ASTN2: variants seen among roughly 807,000 people sequenced by gnomAD.
The protein encoded by ASTN2 is astrotactin-2.
ASTN2 carries 54 observed loss-of-function variants against 139.8 expected under a neutral mutation model. That is an observed-to-expected ratio of 0.39 (90% CI 0.31 to 0.48). The LOEUF (loss-of-function observed/expected upper bound fraction) is 0.48, where lower values mean the gene tolerates loss of function less well. ASTN2 is among the 20% of genes least tolerant of loss of function. The pLI is 0.95. For synonymous variants in ASTN2, 756 were observed against 719.5 expected (o/e 1.05, Z -0.81); for missense variants, 1,565 against 1,725.1 (o/e 0.91, Z 1.64).
intron 11 of ASTN2, among the ~76,000 whole-genome samples, chr9:116,839,881 ATTTTTT>A (rs71502081): frequency 5.5e-5 from 7 of 127,972 alleles, no homozygotes; most frequent in African/African-American, 1.5e-4. Context: ...TATTATTATT[ATTTTTT>A]TTTTTTTAAT....
chr9:116,952,779 C>T (rs1455229075), intron 10 of ASTN2, among the ~76,000 whole-genome samples: 9 of 152,206 alleles, frequency 5.9e-5, no homozygotes, highest in South Asian at 2.1e-4. Context: ...GAGCAATCGC[C>T]GTTGGAGCTG....
chr9:116,561,755 G>C (rs546083073), intron 19 of ASTN2, among the ~76,000 whole-genome samples: 1 of 152,310 alleles, frequency 6.6e-6, no homozygotes, highest in East Asian at 1.9e-4. Flanking sequence ...GTTACAGCAT[G>C]AACTGACCTG....
intron 1 of ASTN2, among the ~76,000 whole-genome samples, chr9:117,311,599 T>C (rs1368486571): frequency 6.6e-6 from 1 of 152,120 alleles, no homozygotes; most frequent in Non-Finnish European, 1.5e-5. Context: ...AGTCACTCAG[T>C]ATGTAAGATC....
At chr9:116,941,226 G>T (rs1370317841) in intron 10 of ASTN2, among the ~76,000 whole-genome samples, 1 of 151,992 alleles carries the variant, frequency 6.6e-6, no homozygotes, top group Admixed American at 6.6e-5. Context: ...GTTTAGCATG[G>T]TATTTGACTC....
rs117556965 is a variant in ASTN2 at position 116,530,376 on chromosome 9, C to T, written c.3356-42876G>A. Among the ~76,000 whole-genome samples, 736 of 151,078 alleles carry T rather than the reference C, an allele frequency of 4.9e-3. 18 individuals are homozygous for T. In the East Asian group the frequency reaches 0.08, roughly 16 times the overall value. ...CTCAGGAAATGTTGGTCAAAGGACA[C>T]AAAATTTTAGTTAGGAAGAATAAAT... On this transcript the variant is annotated intron_variant, in intron 19 of 22. Coordinates refer to ENST00000313400, the MANE Select transcript of ASTN2 (RefSeq NM_001365068.1).
At chr9:116,791,826 AG>A (rs1372049794) in intron 13 of ASTN2, among the ~76,000 whole-genome samples, 4 of 152,186 alleles carry the variant, frequency 2.6e-5, no homozygotes, top group African/African-American at 9.7e-5. Flanking sequence ...TTCTAGAAAA[AG>A]AACACAGTCA....
At chr9:116,658,304 G>A (rs1297473939) in intron 16 of ASTN2, among the ~76,000 whole-genome samples, 1 of 152,148 alleles carries the variant, frequency 6.6e-6, no homozygotes, top group African/African-American at 2.4e-5. Context: ...AAAAGCTGCA[G>A]TGGCCTATAC....
At chr9:116,493,549 C>T (rs1849582046) in intron 19 of ASTN2, among the ~76,000 whole-genome samples, 1 of 152,238 alleles carries the variant, frequency 6.6e-6, no homozygotes, top group African/African-American at 2.4e-5. Flanking sequence ...GCTTCAGAAT[C>T]AACCCAACAA....
chr9:117,355,709 G>T (rs1829521711), intron 1 of ASTN2, among the ~76,000 whole-genome samples: 1 of 152,178 alleles, frequency 6.6e-6, no homozygotes, highest in South Asian at 2.1e-4. Context: ...AAAGAGAGTT[G>T]ATTGGATTGT....
intron 2 of ASTN2, among the ~76,000 whole-genome samples, chr9:117,276,255 G>A (rs960905687): frequency 6.6e-6 from 1 of 152,164 alleles, no homozygotes; most frequent in Non-Finnish European, 1.5e-5. Context: ...GGAAACCAAG[G>A]CTCAGGAGAA....
chr9:116,585,285 ACTT>A (rs1437379199), intron 19 of ASTN2: 26 of 152,152 alleles, frequency 1.7e-4, no homozygotes, highest in Admixed American at 1.7e-3. Flanking sequence ...GAGAATAACA[ACTT>A]CTAGCTTATA....
intron 12 of ASTN2, among the ~76,000 whole-genome samples, chr9:116,815,021 G>T (rs1048314529): frequency 3.9e-5 from 6 of 152,172 alleles, no homozygotes; most frequent in African/African-American, 1.2e-4. Flanking sequence ...TAAAATTCAC[G>T]TTCTCCAACC....
At chr9:117,319,142 C>G (rs1828239493) in intron 1 of ASTN2, among the ~76,000 whole-genome samples, 1 of 151,958 alleles carries the variant, frequency 6.6e-6, no homozygotes, top group Non-Finnish European at 1.5e-5. Context: ...TATGGATGAG[C>G]TTTTTTTTAT....
At chr9:116,884,402 T>TGAAAA (rs779178719) in intron 10 of ASTN2, among the ~76,000 whole-genome samples, 34 of 152,132 alleles carry the variant, frequency 2.2e-4, no homozygotes, top group Non-Finnish European at 3.5e-4. Flanking sequence ...AAGTCCAAAA[T>TGAAAA]TAAGACATCA....
At chr9:117,063,629 A>G (rs535798834) in intron 5 of ASTN2, among the ~76,000 whole-genome samples, 5 of 152,324 alleles carry the variant, frequency 3.3e-5, no homozygotes, top group African/African-American at 1.2e-4. Flanking sequence ...GTGTGAAAAC[A>G]GACTAATACA....
In ASTN2 at chr9:116,604,743, T is replaced by C. The variant is rs938420457; in HGVS notation, c.3355+13581A>G. On this transcript the variant is annotated intron_variant, in intron 19 of 22. Coordinates refer to ENST00000313400, the MANE Select transcript of ASTN2 (RefSeq NM_001365068.1). Reference sequence around the variant, plus strand: ...GTCCTTCACCTTGAGTTATTCCTCATACAAATTCACCTCCATAACTGCTCC... The same window carrying C: ...GTCCTTCACCTTGAGTTATTCCTCACACAAATTCACCTCCATAACTGCTCC... 3.3e-5 allele frequency among the ~76,000 whole-genome samples: 5 copies of C among 152,326 alleles called. No individual in the cohort carries two copies. The South Asian group carries it at 6.2e-4, about 19-fold the overall frequency.
intron 6 of ASTN2, among the ~76,000 whole-genome samples, chr9:117,028,166 T>A (rs190403667): frequency 9.2e-5 from 14 of 152,254 alleles, no homozygotes; most frequent in Admixed American, 7.2e-4. Context: ...GACTCACTGA[T>A]AAAGTTTAAA....
intron 3 of ASTN2, among the ~76,000 whole-genome samples, chr9:117,204,599 G>A (rs1043556246): frequency 1.3e-5 from 2 of 152,160 alleles, no homozygotes; most frequent in African/African-American, 4.8e-5. Flanking sequence ...TTTAAGAGCT[G>A]GAAGAGGGAG....
At chr9:116,895,077 C>T (rs926149455) in intron 10 of ASTN2, among the ~76,000 whole-genome samples, 1 of 152,150 alleles carries the variant, frequency 6.6e-6, no homozygotes, top group Non-Finnish European at 1.5e-5. Flanking sequence ...TTGAGCATCC[C>T]TAATCCAATA....
Sources: gnomAD v4.1 joint callset for allele counts (sites outside exome capture counted in the v4.1 genomes callset) on GRCh38, gnomAD v4.1.1 for gene constraint, MANE v1.5 for transcripts, NCBI Gene and HGNC (gene_info 2026-07-23, HGNC 2026-07-21) for gene names.